The following RCSD1 variants were observed in gnomAD, a reference collection of about 807,000 sequenced individuals.
RCSD1 encodes the protein capZ-interacting protein.
Under a neutral mutation model 42.5 loss-of-function variants are expected in RCSD1, and 26 were observed. The ratio of observed to expected loss-of-function variants is 0.61; its 90% CI spans 0.45 to 0.85. The LOEUF is 0.85. Ranked by LOEUF, RCSD1 falls within the 40% of genes least tolerant of loss-of-function variation. RCSD1 has a pLI of 0.00. For synonymous variants in RCSD1, 220 were observed against 212.2 expected, an observed-to-expected ratio of 1.04 and a Z score of -0.32; for missense variants, 571 against 528.3, an observed-to-expected ratio of 1.08 and a Z score of -0.79.
At chr1:167,666,725 C>T (rs1444646709) in intron 1 of RCSD1, among the ~76,000 whole-genome samples, 1 of 152,238 alleles carries the variant, frequency 6.6e-6, no homozygotes, top group Non-Finnish European at 1.5e-5. Flanking sequence ...GCAGGCTGAA[C>T]ACCCAACAGT....
At chr1:167,684,260 C>A (rs1260075809) in intron 2 of RCSD1, among the ~76,000 whole-genome samples, 1 of 152,192 alleles carries the variant, frequency 6.6e-6, no homozygotes, top group Non-Finnish European at 1.5e-5. Context: ...CATCTGTATC[C>A]ATTTCCATCT....
intron 1 of RCSD1, among the ~76,000 whole-genome samples, chr1:167,645,165 T>A (rs1416373355): frequency 2.6e-5 from 4 of 152,168 alleles, no homozygotes; most frequent in Admixed American, 2.6e-4. Context: ...ATATTCAAGT[T>A]CAAAATGATT....
Position 167,697,352 on chromosome 1 carries a change from C to G in RCSD1, c.728C>G (p.Pro243Arg). 1 of 1,613,940 alleles carries G rather than the reference C, an allele frequency of 6.2e-7. No homozygotes were observed. Among genetic ancestry groups the G allele is most frequent in the Non-Finnish European group, 8.5e-7 (1 of 1,179,938 alleles). The change falls in exon 6 of 7, where the codon CCC becomes CGC. Residue 243 changes from proline (P) to arginine (R), a missense_variant. Physicochemically the swap from Pro to Arg is moderately radical, Grantham distance 103 (BLOSUM62 -2). Transcript: ENST00000367854. ...GAAAAGCCTCCTCTGAGGAGGTCAC[C>G]CAGCAGGACAGAGAAGCAGGAGGAG... ...PAEKPPLRRS[P>R]SRTEKQEEDR...
At chr1:167,658,570 C>T (rs1658474883) in intron 1 of RCSD1, among the ~76,000 whole-genome samples, 2 of 152,126 alleles carry the variant, frequency 1.3e-5, no homozygotes. Context: ...GGATTACAGG[C>T]ACGTGCCACC....
intron 2 of RCSD1, 95 bp from the exon 3 acceptor site, chr1:167,685,326 T>C: frequency 1.1e-6 from 1 of 933,854 alleles, no homozygotes; most frequent in Non-Finnish European, 1.6e-6. Flanking sequence ...CCCTAAACCT[T>C]CCTGAAACCA....
At chr1:167,676,105 C>T (rs1558085748) in intron 1 of RCSD1, among the ~76,000 whole-genome samples, 1 of 152,210 alleles carries the variant, frequency 6.6e-6, no homozygotes, top group Non-Finnish European at 1.5e-5. Context: ...GAGCCTGTAA[C>T]ATAACTACTA....
At chr1:167,700,384 C>T (rs957024740) in intron 6 of RCSD1, among the ~76,000 whole-genome samples, 1 of 152,064 alleles carries the variant, frequency 6.6e-6, no homozygotes, top group Non-Finnish European at 1.5e-5. Context: ...CGTGGTGGCT[C>T]ACACCTGTAA....
chr1:167,691,751 G>T (rs149933091), intron 4 of RCSD1, among the ~76,000 whole-genome samples: 672 of 152,354 alleles, frequency 4.4e-3, no homozygotes, highest in Middle Eastern at 0.034. Context: ...ACCCTGTGGA[G>T]GGTGGGGAGG....
chr1:167,655,059 G>C (rs532180342), intron 1 of RCSD1, among the ~76,000 whole-genome samples: 1 of 152,298 alleles, frequency 6.6e-6, no homozygotes, highest in South Asian at 2.1e-4. Flanking sequence ...AGGCTGTGGA[G>C]GAAGAGTACA....
At chr1:167,657,981 G>A (rs1040254142) in intron 1 of RCSD1, among the ~76,000 whole-genome samples, 1 of 151,978 alleles carries the variant, frequency 6.6e-6, no homozygotes, top group Non-Finnish European at 1.5e-5. Context: ...AGGCTGGAGT[G>A]CAGTGGTGCG....
At chr1:167,667,183 C>T (rs1000531184) in intron 1 of RCSD1, among the ~76,000 whole-genome samples, 3 of 150,514 alleles carry the variant, frequency 2.0e-5, no homozygotes, top group South Asian at 2.1e-4. Context: ...GCGCCTATCC[C>T]GTACTTTGGA....
intron 1 of RCSD1, among the ~76,000 whole-genome samples, chr1:167,646,505 TTTTTTCTTTTTC>T (rs149595197): frequency 2.0e-5 from 3 of 146,650 alleles, no homozygotes; most frequent in South Asian, 2.1e-4. Context: ...ACTTAGAGTT[TTTTTTCTTTTTC>T]TTTTTCTTTT....
chr1:167,681,590 G>A (rs938287408), intron 1 of RCSD1, among the ~76,000 whole-genome samples: 7 of 152,210 alleles, frequency 4.6e-5, no homozygotes, highest in Non-Finnish European at 1.0e-4. Flanking sequence ...GGACAGGGAA[G>A]TAAGGGAGGA....
rs530500144 is a variant in RCSD1 at position 167,690,557 on chromosome 1, C to T, written c.270+437C>T. 3.3e-5 allele frequency among the ~76,000 whole-genome samples: 5 copies of T among 152,178 alleles called. No individual in the cohort carries two copies. In the South Asian group the frequency reaches 1.0e-3, roughly 32 times the overall value. ...GGCATGGTGATGTGCACCTGTAGTC[C>T]CAGCTACTCTGAAGACCGAGGTGAG... On this transcript the variant is annotated intron_variant, in intron 4 of 6. Transcript: ENST00000367854.
chr1:167,702,246 T>G (rs1339921899), intron 6 of RCSD1, among the ~76,000 whole-genome samples: 1 of 152,116 alleles, frequency 6.6e-6, no homozygotes, highest in African/African-American at 2.4e-5. Context: ...AGGGGAAAGT[T>G]CCATAAGTGC....
At chr1:167,669,110 G>C (rs1445467994) in intron 1 of RCSD1, among the ~76,000 whole-genome samples, 1 of 152,138 alleles carries the variant, frequency 6.6e-6, no homozygotes, top group Non-Finnish European at 1.5e-5. Context: ...CATGAAAAAA[G>C]TTCTGCATGT....
At chr1:167,666,397 T>C (rs1023430518) in intron 1 of RCSD1, among the ~76,000 whole-genome samples, 2 of 152,182 alleles carry the variant, frequency 1.3e-5, no homozygotes, top group African/African-American at 4.8e-5. Context: ...TTCAGTAAAT[T>C]AGCTGTTTTA....
chr1:167,697,338 T>G lies in RCSD1; in HGVS notation c.714T>G (p.Pro238=), dbSNP rs772544556. 6.2e-7 allele frequency: 1 copy of G among 1,613,908 alleles called. No individual in the cohort carries two copies. Among genetic ancestry groups the G allele is most frequent in the Non-Finnish European group, 8.5e-7 (1 of 1,179,952 alleles). The change falls in exon 6 of 7, where the codon CCT becomes CCG. Residue 238 remains proline (P), a synonymous_variant. Coordinates refer to ENST00000367854, the MANE Select transcript of RCSD1 (RefSeq NM_052862.4). ...CCCTGGGACCTGCTGAAAAGCCTCC[T>G]CTGAGGAGGTCACCCAGCAGGACAG... ...VRTLGPAEKP[P]LRRSPSRTEK...
chr1:167,687,785 G>A (rs760531117), intron 3 of RCSD1, among the ~76,000 whole-genome samples: 3 of 152,222 alleles, frequency 2.0e-5, no homozygotes, highest in Non-Finnish European at 2.9e-5. Flanking sequence ...AGACAGTGGG[G>A]TCAGCCCCCT....
Sources: gnomAD v4.1 joint callset for allele counts (sites outside exome capture counted in the v4.1 genomes callset) on GRCh38, gnomAD v4.1.1 for gene constraint, MANE v1.5 for transcripts, NCBI Gene and HGNC (gene_info 2026-07-23, HGNC 2026-07-21) for gene names.